SDK1: variants seen among roughly 807,000 people sequenced by gnomAD.
SDK1 encodes sidekick cell adhesion molecule 1.
In SDK1, 157 loss-of-function variants were observed where a neutral mutation model predicts 245.5. The ratio of observed to expected loss-of-function variants is 0.64; its 90% CI spans 0.56 to 0.73. The LOEUF (loss-of-function observed/expected upper bound fraction) is 0.73. SDK1 is among the 30% of genes least tolerant of loss of function. The pLI, the probability that SDK1 is intolerant of heterozygous loss-of-function variation, is 0.00. For synonymous variants in SDK1, 1,647 were observed against 1,278.5 expected (o/e 1.29, Z -6.15); for missense variants, 3,583 against 3,002.3 (o/e 1.19, Z -4.52).
Position 3,547,396 on chromosome 7 carries a change from C to T in SDK1, c.299-71684C>T, listed in dbSNP as rs75893163. 2.2e-3 allele frequency among the ~76,000 whole-genome samples: 342 copies of T among 152,246 alleles called. 7 individuals are homozygous for T. The East Asian group carries it at 0.055, about 25-fold the overall frequency. The stretch of plus-strand genomic sequence containing the variant: ...AACTTACCTTGGGCAAAGACTGTAT[C>T]TGGGTGATAGATTGAGCTCTAGACA... On this transcript the variant is annotated intron_variant, in intron 1 of 44. Transcript: ENST00000404826.
intron 35 of SDK1, among the ~76,000 whole-genome samples, chr7:4,191,818 C>CCG: frequency 1.3e-5 from 2 of 152,350 alleles, no homozygotes; most frequent in Non-Finnish European, 2.9e-5. Context: ...AGGAGGGAAG[C>CCG]GCCATCTCCA....
intron 22 of SDK1, among the ~76,000 whole-genome samples, chr7:4,082,008 A>G (rs1781091470): frequency 6.6e-6 from 1 of 152,316 alleles, no homozygotes; most frequent in African/African-American, 2.4e-5. Flanking sequence ...TGCTTGGAGC[A>G]TATACTGTGT....
intron 1 of SDK1, among the ~76,000 whole-genome samples, chr7:3,326,102 G>A (rs1779934273): frequency 6.6e-6 from 1 of 152,018 alleles, no homozygotes; most frequent in African/African-American, 2.4e-5. Context: ...TAGTTTTTTA[G>A]CCTCCTAATG....
chr7:3,691,251 G>A (rs1784430485), intron 4 of SDK1, among the ~76,000 whole-genome samples: 1 of 152,148 alleles, frequency 6.6e-6, no homozygotes, highest in Non-Finnish European at 1.5e-5. Flanking sequence ...TTCTTAAGTT[G>A]TTATGATTAC....
At chr7:4,227,407 T>A in intron 40 of SDK1, 1 of 471,274 alleles carries the variant, frequency 2.1e-6, no homozygotes, top group South Asian at 1.5e-5. Context: ...CTGCCTTGAA[T>A]GAGGATCCGA....
chr7:3,918,673 A>G (rs1386957094), intron 5 of SDK1, among the ~76,000 whole-genome samples: 1 of 152,210 alleles, frequency 6.6e-6, no homozygotes, highest in Non-Finnish European at 1.5e-5. Context: ...ATTGGTAGAA[A>G]AACTGTCTTC....
At chr7:3,636,565 T>C (rs1782462405) in intron 2 of SDK1, among the ~76,000 whole-genome samples, 1 of 152,232 alleles carries the variant, frequency 6.6e-6, no homozygotes, top group East Asian at 1.9e-4. Flanking sequence ...TGAATAATAT[T>C]CCATCGTGTG....
At chr7:3,324,877 A>G (rs889356173) in intron 1 of SDK1, among the ~76,000 whole-genome samples, 4 of 152,194 alleles carry the variant, frequency 2.6e-5, no homozygotes, top group African/African-American at 9.6e-5. Flanking sequence ...TTTGAAAGAA[A>G]GTCCTCCCAT....
chr7:3,841,552 A>G (rs1270602833), intron 5 of SDK1, among the ~76,000 whole-genome samples: 1 of 151,842 alleles, frequency 6.6e-6, no homozygotes, highest in East Asian at 1.9e-4. Flanking sequence ...AAGTATTATC[A>G]GATTATTTTT....
chr7:3,500,038 C>T (rs1057199106), intron 1 of SDK1, among the ~76,000 whole-genome samples: 3 of 152,058 alleles, frequency 2.0e-5, no homozygotes, highest in Non-Finnish European at 4.4e-5. Context: ...CATAGGAGTC[C>T]TGGTCAGGCT....
intron 44 of SDK1, among the ~76,000 whole-genome samples, chr7:4,252,145 G>A (rs1787341754): frequency 6.6e-6 from 1 of 152,040 alleles, no homozygotes; most frequent in Admixed American, 6.5e-5. Flanking sequence ...CCATGTTGGT[G>A]TGCTGCACCC....
At chr7:3,565,622 G>A (rs1779887528) in intron 1 of SDK1, among the ~76,000 whole-genome samples, 1 of 152,134 alleles carries the variant, frequency 6.6e-6, no homozygotes, top group Non-Finnish European at 1.5e-5. Context: ...GAGGGGAGTG[G>A]TTCTGGAACC....
intron 1 of SDK1, among the ~76,000 whole-genome samples, chr7:3,327,398 T>C (rs1779963964): frequency 1.3e-5 from 2 of 152,138 alleles, no homozygotes; most frequent in African/African-American, 2.4e-5. Flanking sequence ...TTAGCTTTTA[T>C]TGATTTTATT....
intron 1 of SDK1, among the ~76,000 whole-genome samples, chr7:3,356,116 T>G (rs938394334): frequency 8.5e-5 from 13 of 152,206 alleles, no homozygotes; most frequent in Non-Finnish European, 1.6e-4. Flanking sequence ...CTCATTAGCT[T>G]TTACAAGCTA....
chr7:3,564,939 G>GT (rs1205049326), intron 1 of SDK1, among the ~76,000 whole-genome samples: 1 of 151,964 alleles, frequency 6.6e-6, no homozygotes, highest in Non-Finnish European at 1.5e-5. Flanking sequence ...AGCAGTCACT[G>GT]TTTAGGAGAC....
chr7:4,246,528 C>T (rs1397704421), intron 44 of SDK1, among the ~76,000 whole-genome samples: 1 of 152,114 alleles, frequency 6.6e-6, no homozygotes, highest in African/African-American at 2.4e-5. Context: ...AAATGTGACC[C>T]CTTTACCAGA....
intron 4 of SDK1, among the ~76,000 whole-genome samples, chr7:3,754,234 T>G (rs1426022076): frequency 6.6e-6 from 1 of 152,226 alleles, no homozygotes; most frequent in Non-Finnish European, 1.5e-5. Context: ...CAGGGATTTA[T>G]TAAGTTATAA....
chr7:3,696,862 G>A (rs1163360830), intron 4 of SDK1, among the ~76,000 whole-genome samples: 1 of 151,786 alleles, frequency 6.6e-6, no homozygotes, highest in African/African-American at 2.4e-5. Context: ...ACTGTAGGGT[G>A]TCTAACAGTA....
intron 14 of SDK1, among the ~76,000 whole-genome samples, chr7:4,010,705 A>T (rs1196316231): frequency 6.6e-6 from 1 of 152,092 alleles, no homozygotes; most frequent in African/African-American, 2.4e-5. Flanking sequence ...TTCCTTTTAA[A>T]CCGCCGTATG....
Sources: allele counts gnomAD v4.1 joint callset (sites outside exome capture counted in the v4.1 genomes callset), GRCh38; gene constraint gnomAD v4.1.1; transcripts MANE v1.5; gene names NCBI Gene and HGNC (gene_info 2026-07-23, HGNC 2026-07-21).